NUDCD1: variants seen among roughly 807,000 people sequenced by gnomAD.
NUDCD1 encodes NudC domain containing 1.
A neutral mutation model predicts 67.8 loss-of-function variants in NUDCD1; 60 were observed. The ratio of observed to expected loss-of-function variants is 0.88; its 90% CI spans 0.72 to 1.10. NUDCD1 has a LOEUF of 1.10. NUDCD1 is among the 50% of genes least tolerant of loss of function. NUDCD1 has a pLI of 0.00. For synonymous variants in NUDCD1, 244 were observed against 230.8 expected, an observed-to-expected ratio of 1.06 and a Z score of -0.52; for missense variants, 643 against 695.0, an observed-to-expected ratio of 0.93 and a Z score of 0.84.
chr8:109,332,945 C>T (rs1815844992), intron 1 of NUDCD1, among the ~76,000 whole-genome samples: 1 of 152,168 alleles, frequency 6.6e-6, no homozygotes, highest in Admixed American at 6.5e-5. Context: ...GTATTTTGTA[C>T]ATATCCCTAT....
chr8:109,261,646 T>C (rs1265517727), intron 8 of NUDCD1, among the ~76,000 whole-genome samples: 4 of 152,142 alleles, frequency 2.6e-5, no homozygotes, highest in Admixed American at 6.6e-5. Flanking sequence ...GAGATATAAG[T>C]AGTTAAGAGA....
At chr8:109,323,971 G>A (rs1025189948) in intron 1 of NUDCD1, among the ~76,000 whole-genome samples, 1 of 152,100 alleles carries the variant, frequency 6.6e-6, no homozygotes. Context: ...GAGAAGAAAT[G>A]CTTCAGGATA....
chr8:109,276,429 C>T (rs545890729), intron 6 of NUDCD1, among the ~76,000 whole-genome samples: 23 of 152,230 alleles, frequency 1.5e-4, no homozygotes, highest in African/African-American at 5.5e-4. Flanking sequence ...TTAGCTCATG[C>T]CCTGGAACAC....
At chr8:109,276,458 A>G (rs1218206121) in intron 6 of NUDCD1, among the ~76,000 whole-genome samples, 1 of 152,210 alleles carries the variant, frequency 6.6e-6, no homozygotes, top group African/African-American at 2.4e-5. Context: ...GAATACAATA[A>G]TAACTATTAT....
intron 2 of NUDCD1, among the ~76,000 whole-genome samples, chr8:109,303,985 C>T (rs1200342771): frequency 6.6e-6 from 1 of 152,048 alleles, no homozygotes; most frequent in Non-Finnish European, 1.5e-5. Flanking sequence ...AAACCATATA[C>T]TCTCCTATCC....
At chr8:109,330,993 G>C (rs926137439) in intron 1 of NUDCD1, among the ~76,000 whole-genome samples, 1 of 151,892 alleles carries the variant, frequency 6.6e-6, no homozygotes, top group Non-Finnish European at 1.5e-5. Flanking sequence ...CATGGCACAC[G>C]TTTACCTATG....
At chr8:109,322,083 G>A (rs777053949) in intron 2 of NUDCD1, among the ~76,000 whole-genome samples, 1 of 152,074 alleles carries the variant, frequency 6.6e-6, no homozygotes. Flanking sequence ...ATCCATGAGA[G>A]TTGCTGCCCA....
At chr8:109,302,415 A>G (rs1388450791) in intron 2 of NUDCD1, among the ~76,000 whole-genome samples, 1 of 151,608 alleles carries the variant, frequency 6.6e-6, no homozygotes, top group Non-Finnish European at 1.5e-5. Flanking sequence ...TTCAGTCTCC[A>G]CCCCAAGCTC....
chr8:109,273,097 T>C (rs1275580207), intron 7 of NUDCD1, among the ~76,000 whole-genome samples: 1 of 152,162 alleles, frequency 6.6e-6, no homozygotes, highest in Non-Finnish European at 1.5e-5. Context: ...AAACATGCTA[T>C]ACTGCTTTCC....
intron 2 of NUDCD1, among the ~76,000 whole-genome samples, chr8:109,316,862 T>A (rs1210398480): frequency 6.6e-6 from 1 of 152,180 alleles, no homozygotes; most frequent in African/African-American, 2.4e-5. Flanking sequence ...TTAGTTTTTG[T>A]TTTGATCAAT....
At chr8:109,330,624 G>C (rs1047571667) in intron 1 of NUDCD1, among the ~76,000 whole-genome samples, 2 of 152,122 alleles carry the variant, frequency 1.3e-5, no homozygotes, top group African/African-American at 2.4e-5. Flanking sequence ...CAGAGTCTGA[G>C]GTAAGCTTTT....
intron 5 of NUDCD1, among the ~76,000 whole-genome samples, chr8:109,284,874 CAA>C (rs1403381410): frequency 6.6e-6 from 1 of 150,574 alleles, no homozygotes; most frequent in Non-Finnish European, 1.5e-5. Flanking sequence ...TCCATGAAAC[CAA>C]AAGTTGGTTT....
At chr8:109,267,351 C>G (rs1037664159) in intron 8 of NUDCD1, among the ~76,000 whole-genome samples, 3 of 152,060 alleles carry the variant, frequency 2.0e-5, no homozygotes, top group South Asian at 2.1e-4. Context: ...TATTTAGGAT[C>G]TCACACGAGT....
At chr8:109,325,206 G>T (rs992068848) in intron 1 of NUDCD1, among the ~76,000 whole-genome samples, 2 of 152,080 alleles carry the variant, frequency 1.3e-5, no homozygotes, top group Non-Finnish European at 2.9e-5. Context: ...AAAGATGGGG[G>T]TGGGGGATGA....
chr8:109,333,669 CG>C (rs551669746), intron 1 of NUDCD1, among the ~76,000 whole-genome samples: 3 of 152,158 alleles, frequency 2.0e-5, no homozygotes, highest in Admixed American at 1.3e-4. Context: ...GGGCTGCTGA[CG>C]GAGGGGGCCC....
At chr8:109,245,881 C>T (rs1813482841) in intron 8 of NUDCD1, among the ~76,000 whole-genome samples, 1 of 152,192 alleles carries the variant, frequency 6.6e-6, no homozygotes, top group African/African-American at 2.4e-5. Flanking sequence ...CTTTTAGGAA[C>T]TGGGCCGCAC....
chr8:109,333,619 T>C (rs1247317252), intron 1 of NUDCD1, among the ~76,000 whole-genome samples: 1 of 151,916 alleles, frequency 6.6e-6, no homozygotes, highest in Non-Finnish European at 1.5e-5. Context: ...CCCCAGGCAC[T>C]ACCCGCACGC....
At chr8:109,298,258 A>G (rs1586288905) in intron 2 of NUDCD1, among the ~76,000 whole-genome samples, 1 of 152,336 alleles carries the variant, frequency 6.6e-6, no homozygotes, top group East Asian at 1.9e-4. Flanking sequence ...CATCAAGCTT[A>G]CTGTGGTCTT....
chr8:109,277,471 A>C (rs1814318245), intron 6 of NUDCD1, among the ~76,000 whole-genome samples: 1 of 152,114 alleles, frequency 6.6e-6, no homozygotes, highest in Admixed American at 6.6e-5. Context: ...AAGCAAAAAA[A>C]AAACCCCAAA....
Sources: gnomAD v4.1 joint callset for allele counts (sites outside exome capture counted in the v4.1 genomes callset) on GRCh38, gnomAD v4.1.1 for gene constraint, MANE v1.5 for transcripts, NCBI Gene and HGNC (gene_info 2026-07-23, HGNC 2026-07-21) for gene names.